Variants in RANBP2 observed in about 807,000 individuals in gnomAD.
RANBP2 encodes RAN binding protein 2.
In RANBP2, 57 loss-of-function variants were observed where a neutral mutation model predicts 303.6. That is an observed-to-expected ratio of 0.19 (90% CI 0.15 to 0.23). The LOEUF is 0.23. Among genes scored for constraint, RANBP2 ranks in the 10% least tolerant of loss-of-function variants. The pLI, the probability that RANBP2 is intolerant of heterozygous loss-of-function variation, is 1.00. For synonymous variants in RANBP2, 1,167 were observed against 1,301.5 expected (o/e 0.90, Z 2.23); for missense variants, 3,138 against 3,780.8 (o/e 0.83, Z 4.46).
chr2:109,509,412 G>A, the RANBP2 span, among the ~76,000 whole-genome samples: 1 of 152,134 alleles, frequency 6.6e-6, no homozygotes, highest in Non-Finnish European at 1.5e-5. Context: ...GGAAGTCCAA[G>A]GTTGAAGTTG....
At chr2:108,938,065 A>G in the RANBP2 span, among the ~76,000 whole-genome samples, 1 of 152,354 alleles carries the variant, frequency 6.6e-6, no homozygotes, top group African/African-American at 2.4e-5. Context: ...ATCACTACTA[A>G]TACAAATAAG....
the RANBP2 span, among the ~76,000 whole-genome samples, chr2:109,276,769 A>G: frequency 6.6e-6 from 1 of 152,122 alleles, no homozygotes; most frequent in Non-Finnish European, 1.5e-5. Context: ...GTTTCTAGAG[A>G]AAACAGTTTT....
chr2:109,063,614 C>A, the RANBP2 span, among the ~76,000 whole-genome samples: 1 of 152,162 alleles, frequency 6.6e-6, no homozygotes, highest in East Asian at 1.9e-4. Flanking sequence ...ACAGCTCGAA[C>A]TTCCCTGCAG....
the RANBP2 span, among the ~76,000 whole-genome samples, chr2:109,638,528 G>A: frequency 1.3e-5 from 2 of 152,114 alleles, no homozygotes; most frequent in Non-Finnish European, 2.9e-5. Context: ...AGATAGCAGT[G>A]ATCTAATTGC....
At chr2:108,902,772 A>G in the RANBP2 span, among the ~76,000 whole-genome samples, 2 of 152,380 alleles carry the variant, frequency 1.3e-5, no homozygotes, top group African/African-American at 4.8e-5. Flanking sequence ...TCAACAATTT[A>G]TAAAAAGCCT....
chr2:109,378,225 A>G, the RANBP2 span, among the ~76,000 whole-genome samples: 2 of 152,008 alleles, frequency 1.3e-5, no homozygotes, highest in Non-Finnish European at 2.9e-5. Flanking sequence ...ACCGGCTTGC[A>G]CTCTGGGTCA....
At chr2:108,745,101 C>A (rs1050366591) in intron 7 of RANBP2, among the ~76,000 whole-genome samples, 4 of 144,752 alleles carry the variant, frequency 2.8e-5, no homozygotes, top group African/African-American at 1.1e-4. Flanking sequence ...AAAACCAGGA[C>A]ATTAGCTGGC....
chr2:109,680,072 G>A, the RANBP2 span, among the ~76,000 whole-genome samples: 1 of 151,928 alleles, frequency 6.6e-6, no homozygotes, highest in Non-Finnish European at 1.5e-5. Flanking sequence ...AGGGCCGGGT[G>A]TGATGGCTCA....
At chr2:108,856,746 C>T in the RANBP2 span, 9 of 1,571,988 alleles carry the variant, frequency 5.7e-6, no homozygotes, top group Non-Finnish European at 6.9e-6. Context: ...TTCTGATTGA[C>T]ACCTAGACTA....
the RANBP2 span, among the ~76,000 whole-genome samples, chr2:109,035,491 A>G: frequency 9.0e-6 from 1 of 110,686 alleles, no homozygotes; most frequent in Non-Finnish European, 1.9e-5. Flanking sequence ...CCCCCACCCC[A>G]CCCCGCCCTT....
the RANBP2 span, among the ~76,000 whole-genome samples, chr2:109,324,547 C>G: frequency 2.6e-5 from 4 of 152,186 alleles, no homozygotes; most frequent in Non-Finnish European, 5.9e-5. Context: ...AAAGTTACAA[C>G]TGTCATCTTA....
the RANBP2 span, among the ~76,000 whole-genome samples, chr2:109,412,078 G>T: frequency 6.6e-6 from 1 of 152,244 alleles, no homozygotes; most frequent in South Asian, 2.1e-4. Context: ...ACCGAGCCCT[G>T]TGGGTTGCTT....
chr2:109,472,142 C>T, the RANBP2 span, among the ~76,000 whole-genome samples: 1 of 152,248 alleles, frequency 6.6e-6, no homozygotes, highest in Non-Finnish European at 1.5e-5. Context: ...TTAACAACCA[C>T]CTGTGACCTC....
the RANBP2 span, among the ~76,000 whole-genome samples, chr2:109,428,095 G>A: frequency 6.6e-6 from 1 of 152,212 alleles, no homozygotes; most frequent in African/African-American, 2.4e-5. Context: ...CTGCAGAGTG[G>A]GTGCTGCACC....
chr2:109,115,297 T>G, the RANBP2 span, among the ~76,000 whole-genome samples: 1 of 152,332 alleles, frequency 6.6e-6, no homozygotes, highest in East Asian at 1.9e-4. Flanking sequence ...GGACTTGCTT[T>G]ATGAAACTGG....
At chr2:108,957,070 G>A in the RANBP2 span, among the ~76,000 whole-genome samples, 489 of 152,332 alleles carry the variant, frequency 3.2e-3, 3 homozygotes, top group Middle Eastern at 0.01. Context: ...AATTACAGGC[G>A]TGAGCCGCCA....
chr2:109,685,000 A>C, the RANBP2 span, among the ~76,000 whole-genome samples: 1 of 151,482 alleles, frequency 6.6e-6, no homozygotes, highest in South Asian at 2.1e-4. Context: ...CAGCCTCCCG[A>C]GTAGCTAGGA....
the RANBP2 span, among the ~76,000 whole-genome samples, chr2:109,256,499 A>G: frequency 6.6e-6 from 1 of 152,172 alleles, no homozygotes; most frequent in Non-Finnish European, 1.5e-5. Context: ...GATCAGTCAC[A>G]AACACTTACC....
chr2:109,274,982 C>T, the RANBP2 span, among the ~76,000 whole-genome samples: 1 of 151,988 alleles, frequency 6.6e-6, no homozygotes, highest in South Asian at 2.1e-4. Context: ...ATGAATTTTG[C>T]ATCAATAAAA....
Sources: gnomAD v4.1 joint callset for allele counts (sites outside exome capture counted in the v4.1 genomes callset) on GRCh38, gnomAD v4.1.1 for gene constraint, MANE v1.5 for transcripts, NCBI Gene and HGNC (gene_info 2026-07-23, HGNC 2026-07-21) for gene names.